BUB3: variants seen among roughly 807,000 people sequenced by gnomAD.
BUB3 encodes mitotic checkpoint protein BUB3.
Under a neutral mutation model 39.9 loss-of-function variants are expected in BUB3, and 22 were observed. That is an observed-to-expected ratio of 0.55 (90% CI 0.39 to 0.79). BUB3 has a LOEUF of 0.79. Ranked by LOEUF, BUB3 falls within the 30% of genes least tolerant of loss-of-function variation. BUB3 has a pLI of 0.00. For synonymous variants in BUB3, 168 were observed against 155.1 expected (o/e 1.08, Z -0.62); for missense variants, 303 against 415.4 (o/e 0.73, Z 2.35).
intron 3 of BUB3, among the ~76,000 whole-genome samples, chr10:123,156,773 G>A (rs1844353982): frequency 9.6e-6 from 1 of 103,816 alleles, no homozygotes; most frequent in Non-Finnish European, 1.9e-5. Context: ...TTGAGCTAGA[G>A]TCTCACTCTG....
chr10:123,160,220 T>C (rs1479895809), intron 4 of BUB3, among the ~76,000 whole-genome samples, 187 bp from the exon 5 acceptor site: 3 of 152,190 alleles, frequency 2.0e-5, no homozygotes, highest in Non-Finnish European at 1.5e-5. Context: ...GAGAGCATCA[T>C]GGGTTTGCTA....
intron 5 of BUB3, among the ~76,000 whole-genome samples, chr10:123,161,066 G>A (rs1844416407): frequency 6.6e-6 from 1 of 151,548 alleles, no homozygotes; most frequent in Admixed American, 6.6e-5. Context: ...TGAGATTAGA[G>A]AGGCAGGGCC....
At position 123,167,725 on chromosome 10, in the gene BUB3, A is replaced by C. The variant is rs1037568282; in HGVS notation, c.*3890A>C. 6.6e-6 allele frequency: 1 copy of C among 152,186 alleles called. No individual in the cohort carries two copies. Among genetic ancestry groups the C allele is most frequent in the African/African-American group, 2.4e-5 (1 of 41,442 alleles). The allele number at this position is 152,186 out of a possible 1,614,324, so 9.4% of individuals were successfully genotyped here. A position where few individuals can be genotyped will look rare whatever the true frequency, so the allele number is the denominator to read the frequency against. ...CAGAAAAATTTGGATAGCATGCAAA[A>C]AATGAAACATACTATCACAATCCTA... is the stretch of plus-strand genomic sequence containing the variant. On this transcript the variant is annotated 3_prime_UTR_variant, in exon 8 of 8. Transcript: ENST00000368865.
At position 123,165,033 on chromosome 10, in the gene BUB3, TTTC is replaced by T. The variant is rs1844471744; in HGVS notation, c.*1202_*1204del. ...TCTGAACCCATCTTTTGAAATGTAT[TTTC>T]TTCATTGCAGGTCCACCTAATCATC... On this transcript the variant is annotated 3_prime_UTR_variant, in exon 8 of 8. Transcript: ENST00000368865. The T allele has an allele frequency of 1.2e-6, 2 of 1,612,890 alleles. No individual in the cohort carries two copies. Among genetic ancestry groups the T allele is most frequent in the African/African-American group, 1.3e-5 (1 of 74,884 alleles).
chr10:123,155,438 A>T (rs962701043), intron 2 of BUB3, among the ~76,000 whole-genome samples: 4 of 152,220 alleles, frequency 2.6e-5, no homozygotes, highest in Admixed American at 1.3e-4. Flanking sequence ...GTTTACCCTC[A>T]GCTAGCGTGT....
In BUB3 at chr10:123,157,892, A is replaced by G. The variant is rs1375059604; in HGVS notation, c.417+12A>G. On this transcript the variant is annotated intron_variant, in intron 4 of 7. Coordinates refer to ENST00000368865, the MANE Select transcript of BUB3 (RefSeq NM_004725.4). ...CTCAGCCTGAAAAGGTAGGCTCTTTATATTCATTGCAGGAGTTGATGGTTT... is the reference window on the plus strand; with the variant it reads ...CTCAGCCTGAAAAGGTAGGCTCTTTGTATTCATTGCAGGAGTTGATGGTTT... 6.2e-7 allele frequency: 1 copy of G among 1,608,876 alleles called. No individual in the cohort carries two copies. The highest frequency in any genetic ancestry group is 1.3e-5 in the African/African-American group (1 of 74,578).
rs1440287608 is a variant in BUB3, at chr10:123,165,262, C to T, written c.*1427C>T. 2 of 516,090 alleles carry T rather than the reference C, an allele frequency of 3.9e-6. No individual in the cohort carries two copies. The highest frequency in any genetic ancestry group is 5.9e-5 in the East Asian group (2 of 34,144). The allele number at this position is 516,090 out of a possible 1,614,324, so 32.0% of individuals were successfully genotyped here. A position where few individuals can be genotyped will look rare whatever the true frequency, so the allele number is the denominator to read the frequency against. ...AGTCTGACGTATTTCCCCTTCTGTC[C>T]CCTAGTAAGCCCAGTTGCTGTATCT... On this transcript the variant is annotated 3_prime_UTR_variant, in exon 8 of 8. Coordinates refer to ENST00000368865, the MANE Select transcript of BUB3 (RefSeq NM_004725.4).
At position 123,166,835 on chromosome 10, in the gene BUB3, A is replaced by T. The variant is rs1844498900; in HGVS notation, c.*3000A>T. 1 of 152,262 alleles carries T rather than the reference A, an allele frequency of 6.6e-6. No individual in the cohort carries two copies. Among genetic ancestry groups the T allele is most frequent in the Admixed American group, 6.5e-5 (1 of 15,290 alleles). 9.4% of individuals were successfully genotyped at this position (152,262 alleles called of 1,614,324 possible). A position where few individuals can be genotyped will look rare whatever the true frequency, so the allele number is the denominator to read the frequency against. On this transcript the variant is annotated 3_prime_UTR_variant, in exon 8 of 8. Transcript: ENST00000368865. ...CTGTTGTGTAAAAACTTAAAGGTAT[A>T]TTAGCAGGTTAGCCTTTGTTCTGTG...
At position 123,154,946 on chromosome 10, in the gene BUB3, A is replaced by G; in HGVS notation, c.29A>G (p.Asn10Ser). Residue 10 changes from asparagine to serine, a missense_variant, in exon 2 of 8, where the codon AAC becomes AGC. This residue lies in a region of BUB3 where 121 missense variants were observed against 122.3 expected (regional missense o/e 0.99). Transcript: ENST00000368865. ...ACCGGTTCTAACGAGTTCAAGCTGA[A>G]CCAGCCACCCGAGGATGGCATCTCC... MTGSNEFKL[N>S]QPPEDGISSV... 6.2e-7 allele frequency: 1 copy of G among 1,614,026 alleles called. No individual in the cohort carries two copies. Among genetic ancestry groups the G allele is most frequent in the Non-Finnish European group, 8.5e-7 (1 of 1,179,992 alleles).
Position 123,165,399 on chromosome 10 carries a change from A to C in BUB3, c.*1564A>C. The stretch of plus-strand genomic sequence containing the variant: ...GTTTTTGAATGTTGGTAATTAATAT[A>C]ATTTACTTAAAAAGGCTTGTGTAAG... On this transcript the variant is annotated 3_prime_UTR_variant, in exon 8 of 8. Coordinates refer to ENST00000368865, the MANE Select transcript of BUB3 (RefSeq NM_004725.4). 4.8e-6 allele frequency: 1 copy of C among 209,480 alleles called. No individual in the cohort carries two copies. Among genetic ancestry groups the C allele is most frequent in the Non-Finnish European group, 9.5e-6 (1 of 105,466 alleles). The allele number at this position is 209,480 out of a possible 1,614,324, so 13.0% of individuals were successfully genotyped here. A position where few individuals can be genotyped will look rare whatever the true frequency, so the allele number is the denominator to read the frequency against.
In BUB3 at chr10:123,163,836, C is replaced by T; in HGVS notation, c.*1C>T. 1 of 1,608,290 alleles carries T rather than the reference C, an allele frequency of 6.2e-7. No individual in the cohort carries two copies. On this transcript the variant is annotated 3_prime_UTR_variant, in exon 8 of 8. Transcript: ENST00000368865. ...AACTTGTAGGTCACCATGTACTTGA[C>T]AAGATTTCATTTACTTAAGTGCCAT...
chr10:123,158,662 A>G (rs1844381340), intron 4 of BUB3, among the ~76,000 whole-genome samples: 1 of 152,222 alleles, frequency 6.6e-6, no homozygotes, highest in Non-Finnish European at 1.5e-5. Context: ...TATTTTTGTC[A>G]CATCACAGTC....
In BUB3 at chr10:123,166,764, A is replaced by C. The variant is rs536665497; in HGVS notation, c.*2929A>C. 6.6e-6 allele frequency: 1 copy of C among 152,168 alleles called. No individual in the cohort carries two copies. The allele number at this position is 152,168 out of a possible 1,614,324, so 9.4% of individuals were successfully genotyped here. A position where few individuals can be genotyped will look rare whatever the true frequency, so the allele number is the denominator to read the frequency against. On this transcript the variant is annotated 3_prime_UTR_variant, in exon 8 of 8. Transcript: ENST00000368865. ...GGACTAACCTTTGTTGGGAATATAA[A>C]TAAGTGGATGGGATGGGAAGTGACA... is the stretch of plus-strand genomic sequence containing the variant.
Position 123,155,739 on chromosome 10 carries a change from A to G in BUB3, c.265+12A>G, listed in dbSNP as rs1844341428. ...GAACACTGATCAAGGTAATGTGACC[A>G]TATCTTTACCAGTTTGTTTTCTTGG... On this transcript the variant is annotated intron_variant, in intron 3 of 7. Transcript: ENST00000368865. 4.3e-6 allele frequency: 7 copies of G among 1,611,918 alleles called. No homozygotes were observed. The highest frequency in any genetic ancestry group is 3.3e-4 in the Middle Eastern group (2 of 6,048).
chr10:123,154,723 T>G, intron 1 of BUB3, 195 bp from the exon 2 acceptor site: 3 of 588,944 alleles, frequency 5.1e-6, no homozygotes, highest in South Asian at 2.3e-5. Context: ...GCTGGGCCGG[T>G]TTGGGCGCGG....
Position 123,164,155 on chromosome 10 carries a change from GTGTAATAAAAATCCCTT to G in BUB3, c.*323_*339del. ...TGTGGAAATAAATGTTTGTAAATAA[GTGTAATAAAAATCCCTT>G]TGCATTCTTTCTGGACCTTAAATGG... On this transcript the variant is annotated 3_prime_UTR_variant, in exon 8 of 8. Coordinates refer to ENST00000368865, the MANE Select transcript of BUB3 (RefSeq NM_004725.4). The G allele has an allele frequency of 9.5e-7, 1 of 1,052,560 alleles. No individual in the cohort carries two copies. Among genetic ancestry groups the G allele is most frequent in the African/African-American group, 1.7e-5 (1 of 59,740 alleles). 65.2% of individuals were successfully genotyped at this position (1,052,560 alleles called of 1,614,324 possible). A position where few individuals can be genotyped will look rare whatever the true frequency, so the allele number is the denominator to read the frequency against.
Position 123,157,904 on chromosome 10 carries a change from G to A in BUB3, c.417+24G>A, listed in dbSNP as rs763917712. On this transcript the variant is annotated intron_variant, in intron 4 of 7. Transcript: ENST00000368865. ...AGGTAGGCTCTTTATATTCATTGCA[G>A]GAGTTGATGGTTTTGGGGTGATTTT... 1.9e-6 allele frequency: 3 copies of A among 1,599,264 alleles called. No homozygotes were observed. The African/African-American group carries it at 4.0e-5, about 22-fold the overall frequency.
In BUB3 at chr10:123,166,665, A is replaced by G. The variant is rs774372207; in HGVS notation, c.*2830A>G. ...ATAGTCACCCTTCAGTGATTTCATAAGGAGGTGTGCTGCTTCCCAAGCTTC... is the reference window on the plus strand; with the variant it reads ...ATAGTCACCCTTCAGTGATTTCATAGGGAGGTGTGCTGCTTCCCAAGCTTC... On this transcript the variant is annotated 3_prime_UTR_variant, in exon 8 of 8. Transcript: ENST00000368865. 6.6e-6 allele frequency: 1 copy of G among 152,192 alleles called. No homozygotes were observed. Among genetic ancestry groups the G allele is most frequent in the Non-Finnish European group, 1.5e-5 (1 of 68,024 alleles). 9.4% of individuals were successfully genotyped at this position (152,192 alleles called of 1,614,324 possible). A position where few individuals can be genotyped will look rare whatever the true frequency, so the allele number is the denominator to read the frequency against.
Position 123,162,614 on chromosome 10 carries a change from G to A in BUB3, c.757G>A (p.Gly253Ser). The change falls in exon 7 of 8, where the codon GGT (glycine) becomes AGT (serine). Residue 253 changes from glycine (G) to serine (S), a missense_variant and splice_region_variant. This residue lies in a region of BUB3 where 182 missense variants were observed against 293.1 expected (regional missense o/e 0.62). Transcript: ENST00000368865. Reference protein sequence around the residue: ...HNIHNTFATGGSDGFVNIWDP... With the variant: ...HNIHNTFATGSSDGFVNIWDP... ...AACTGTTTTGAAATTACTTCCAGGTGGTTCTGATGGCTTTGTAAATATTTG... is the reference window on the plus strand; with the variant it reads ...AACTGTTTTGAAATTACTTCCAGGTAGTTCTGATGGCTTTGTAAATATTTG... 1.2e-6 allele frequency: 2 copies of A among 1,602,014 alleles called. No homozygotes were observed. Among genetic ancestry groups the A allele is most frequent in the Non-Finnish European group, 1.7e-6 (2 of 1,177,152 alleles).
Sources: gnomAD v4.1 joint callset for allele counts (sites outside exome capture counted in the v4.1 genomes callset) on GRCh38, gnomAD v4.1.1 for gene constraint, gnomAD v4.1.1 regional missense constraint, MANE v1.5 for transcripts, NCBI Gene and HGNC (gene_info 2026-07-23, HGNC 2026-07-21) for gene names.